GRM5: variants seen among roughly 807,000 people sequenced by gnomAD.
GRM5 encodes the protein metabotropic glutamate receptor 5.
Under a neutral mutation model 83.1 loss-of-function variants are expected in GRM5, and 19 were observed. The observed-to-expected ratio is 0.23, with a 90% confidence interval of 0.16 to 0.34. GRM5 has a LOEUF of 0.34. GRM5 is among the 10% of genes least tolerant of loss of function. The probability of loss-of-function intolerance (pLI) is 1.00; values close to 1 mark genes in which losing one functional copy is unlikely to be tolerated. For synonymous variants in GRM5, 675 were observed against 633.6 expected, an observed-to-expected ratio of 1.07 and a Z score of -0.98; for missense variants, 1,160 against 1,588.3, an observed-to-expected ratio of 0.73 and a Z score of 4.58.
intron 9 of GRM5, among the ~76,000 whole-genome samples, chr11:88,521,102 G>T (rs553804919): frequency 6.6e-6 from 1 of 152,166 alleles, no homozygotes; most frequent in Non-Finnish European, 1.5e-5. Flanking sequence ...CTCCTTCGTG[G>T]CCTACATCAT....
At chr11:88,893,781 A>T (rs207472142) in intron 2 of GRM5, among the ~76,000 whole-genome samples, 1 of 151,924 alleles carries the variant, frequency 6.6e-6, no homozygotes, top group Non-Finnish European at 1.5e-5. Context: ...TGTTCCCCAC[A>T]TGACGTCCCT....
intron 1 of GRM5, among the ~76,000 whole-genome samples, chr11:89,050,418 C>T (rs1941732687): frequency 1.3e-5 from 2 of 152,138 alleles, no homozygotes; most frequent in Admixed American, 1.3e-4. Flanking sequence ...TACAAGCTCC[C>T]TATACTTGTG....
chr11:88,613,750 A>G (rs1272643469), intron 4 of GRM5, among the ~76,000 whole-genome samples: 1 of 152,132 alleles, frequency 6.6e-6, no homozygotes, highest in Non-Finnish European at 1.5e-5. Flanking sequence ...ACCATTTTTA[A>G]AGGATCCAAG....
At chr11:88,767,900 A>G (rs1162203732) in intron 3 of GRM5, among the ~76,000 whole-genome samples, 1 of 151,978 alleles carries the variant, frequency 6.6e-6, no homozygotes, top group Non-Finnish European at 1.5e-5. Context: ...ACCACCTTAC[A>G]CCCAATAGGA....
At chr11:88,797,891 T>C (rs1359049086) in intron 3 of GRM5, among the ~76,000 whole-genome samples, 1 of 151,878 alleles carries the variant, frequency 6.6e-6, no homozygotes, top group Non-Finnish European at 1.5e-5. Flanking sequence ...CCTCCCTTTA[T>C]ATTTAGTTGG....
chr11:88,802,434 CAG>C (rs1309738509), intron 3 of GRM5, among the ~76,000 whole-genome samples: 1 of 152,044 alleles, frequency 6.6e-6, no homozygotes, highest in Non-Finnish European at 1.5e-5. Context: ...TGAAACAACT[CAG>C]AAACAGAAAG....
At chr11:88,591,383 TAATC>T (rs1937636898) in intron 6 of GRM5, among the ~76,000 whole-genome samples, 1 of 152,170 alleles carries the variant, frequency 6.6e-6, no homozygotes, top group African/African-American at 2.4e-5. Flanking sequence ...ATATACCTCT[TAATC>T]TATCTGACTT....
intron 3 of GRM5, among the ~76,000 whole-genome samples, chr11:88,838,868 T>TACACACACACACAC (rs59388840): frequency 1.4e-4 from 20 of 144,750 alleles, no homozygotes; most frequent in Non-Finnish European, 2.9e-4. Flanking sequence ...CCCCTTATGC[T>TACACACACACACAC]ACACACACAC....
At chr11:89,056,935 A>T (rs1941889505) in intron 1 of GRM5, among the ~76,000 whole-genome samples, 1 of 152,204 alleles carries the variant, frequency 6.6e-6, no homozygotes, top group African/African-American at 2.4e-5. Context: ...ATTTCACATC[A>T]GGTAACCACA....
chr11:88,813,307 AATGATTAATGG>A, intron 3 of GRM5, among the ~76,000 whole-genome samples: 2 of 152,266 alleles, frequency 1.3e-5, no homozygotes, highest in Middle Eastern at 6.8e-3. Context: ...TAAGTGCATG[AATGATTAATGG>A]AACAGCACAA....
chr11:88,837,810 C>A (rs938319430), intron 3 of GRM5, among the ~76,000 whole-genome samples: 1 of 152,106 alleles, frequency 6.6e-6, no homozygotes, highest in Non-Finnish European at 1.5e-5. Context: ...GTCGGCCGGG[C>A]GCGGTGGCTC....
At chr11:88,668,585 A>G (rs890068153) in intron 3 of GRM5, among the ~76,000 whole-genome samples, 1 of 152,200 alleles carries the variant, frequency 6.6e-6, no homozygotes, top group African/African-American at 2.4e-5. Context: ...AGCAATGTAT[A>G]GAAATGCCAA....
chr11:88,838,513 A>T (rs1314960548), intron 3 of GRM5, among the ~76,000 whole-genome samples: 1 of 152,170 alleles, frequency 6.6e-6, no homozygotes, highest in Non-Finnish European at 1.5e-5. Flanking sequence ...GGAGAAGAAT[A>T]TTTGGTCACA....
intron 3 of GRM5, among the ~76,000 whole-genome samples, chr11:88,836,337 T>G (rs925803906): frequency 6.6e-6 from 1 of 152,232 alleles, no homozygotes; most frequent in Non-Finnish European, 1.5e-5. Context: ...AGAATTCAGC[T>G]GATGGGCCTC....
chr11:88,977,985 G>C (rs775687519), intron 2 of GRM5, among the ~76,000 whole-genome samples: 1 of 152,126 alleles, frequency 6.6e-6, no homozygotes, highest in Non-Finnish European at 1.5e-5. Context: ...CAGCATTTCT[G>C]CTTATACATC....
chr11:88,548,281 CAGGACTAATGTAAATAAA>C (rs1942427661), intron 8 of GRM5, among the ~76,000 whole-genome samples: 1 of 152,250 alleles, frequency 6.6e-6, no homozygotes, highest in East Asian at 1.9e-4. Context: ...CACTTCTAAG[CAGGACTAATGTAAATAAA>C]AGGAACATTT....
intron 7 of GRM5, among the ~76,000 whole-genome samples, chr11:88,582,550 C>A (rs1280457791): frequency 6.6e-6 from 1 of 152,100 alleles, no homozygotes; most frequent in South Asian, 2.1e-4. Flanking sequence ...AGCTAGATAG[C>A]AGAATTCTGA....
At chr11:88,960,668 A>C (rs974761689) in intron 2 of GRM5, among the ~76,000 whole-genome samples, 2 of 152,162 alleles carry the variant, frequency 1.3e-5, no homozygotes, top group African/African-American at 4.8e-5. Context: ...ACTTGGAAAA[A>C]TGTGTGAGAT....
chr11:88,615,314 G>A (rs1400072893), intron 4 of GRM5, among the ~76,000 whole-genome samples: 1 of 151,994 alleles, frequency 6.6e-6, no homozygotes, highest in Non-Finnish European at 1.5e-5. Context: ...TACCAGAAGA[G>A]AACAAATAGA....
Sources: gnomAD v4.1 joint callset for allele counts (sites outside exome capture counted in the v4.1 genomes callset) on GRCh38, gnomAD v4.1.1 for gene constraint, MANE v1.5 for transcripts, NCBI Gene and HGNC (gene_info 2026-07-23, HGNC 2026-07-21) for gene names.